Variants in GABRR1 observed in about 807,000 individuals in gnomAD.
The protein encoded by GABRR1 is gamma-aminobutyric acid receptor subunit rho-1.
A neutral mutation model predicts 55.5 loss-of-function variants in GABRR1; 59 were observed. That is an observed-to-expected ratio of 1.06 (90% confidence interval 0.86 to 1.32). The LOEUF is 1.32. Among genes scored for constraint, GABRR1 ranks in the 40% most tolerant of loss-of-function variants. GABRR1 has a pLI of 0.00. For missense variants in GABRR1, 602 were observed against 619.1 expected (o/e 0.97, Z 0.29); for synonymous variants, 213 against 226.0 (o/e 0.94, Z 0.51).
At position 89,222,549 on chromosome 6, in the gene GABRR1, G is replaced by A. The variant is rs184662686; in HGVS notation, c.-410-1103C>T. ...GTGTGCTTCCAAAGGAACCACCCCC[G>A]TTCTGCATCTGCTCGTTTAATTCAG... On this transcript the variant is annotated intron_variant, in intron 1 of 11. Coordinates refer to the GABRR1 transcript ENST00000369451. Among the ~76,000 whole-genome samples the A allele has an allele frequency of 1.8e-3, 268 of 152,304 alleles. 1 individual carries two copies. The highest frequency in any genetic ancestry group is 5.9e-3 in the African/African-American group (244 of 41,560).
intron 1 of GABRR1, among the ~76,000 whole-genome samples, chr6:89,226,891 C>T (rs200090251): frequency 0.16 from 4,457 of 27,324 alleles, 350 homozygotes; most frequent in African/African-American, 0.25. Context: ...TTCTTCCTAC[C>T]CATGAGCATG....
intron 1 of GABRR1, among the ~76,000 whole-genome samples, chr6:89,215,061 G>C (rs1453926278): frequency 6.6e-6 from 1 of 152,168 alleles, no homozygotes; most frequent in East Asian, 1.9e-4. Flanking sequence ...CAAAGATGTG[G>C]AGAAAAGAAA....
At chr6:89,205,702 C>T (rs997372003) in intron 1 of GABRR1, 4 of 152,084 alleles carry the variant, frequency 2.6e-5, no homozygotes, top group Non-Finnish European at 4.4e-5. Context: ...AGCTAATGGC[C>T]GAGCATCTGA....
At chr6:89,216,390 G>C (rs1460739390) in intron 1 of GABRR1, among the ~76,000 whole-genome samples, 1 of 152,202 alleles carries the variant, frequency 6.6e-6, no homozygotes, top group Non-Finnish European at 1.5e-5. Context: ...AAAGGACCAA[G>C]AATCAACAAC....
At chr6:89,220,864 G>A (rs768427214), upstream of GABRR1, among the ~76,000 whole-genome samples, 3 of 152,022 alleles carry the variant, frequency 2.0e-5, no homozygotes, top group Non-Finnish European at 4.4e-5. Flanking sequence ...GGGATTACAC[G>A]CATTCGCCAC....
chr6:89,211,493 C>T (rs1010872129), intron 1 of GABRR1, among the ~76,000 whole-genome samples: 1 of 152,112 alleles, frequency 6.6e-6, no homozygotes, highest in Non-Finnish European at 1.5e-5. Context: ...CCTCTGACAT[C>T]TGTCTCTTCT....
intron 2 of GABRR1, among the ~76,000 whole-genome samples, chr6:89,202,307 G>T (rs7774672): frequency 0.65 from 94,334 of 145,404 alleles, 29,821 homozygotes; most frequent in East Asian, 0.9. Context: ...TTGTTTGTTT[G>T]TTTTGAGACA....
At chr6:89,184,885 C>CTTTCTT (rs776768704) in intron 7 of GABRR1, among the ~76,000 whole-genome samples, 26,305 of 123,634 alleles carry the variant, frequency 0.21, 3,381 homozygotes, top group Non-Finnish European at 0.29. Context: ...TCTTTTCTTT[C>CTTTCTT]TTTTTTTTTT....
At chr6:89,220,249 G>A (rs992572995), upstream of GABRR1, among the ~76,000 whole-genome samples, 8 of 152,252 alleles carry the variant, frequency 5.3e-5, no homozygotes, top group South Asian at 2.1e-4. Flanking sequence ...AGAGCAAACC[G>A]GAAGGCCTCA....
In GABRR1 at chr6:89,206,078, C is replaced by T. The variant is rs530483516; in HGVS notation, c.123-2593G>A. On this transcript the variant is annotated intron_variant, in intron 1 of 9. Coordinates refer to ENST00000454853, the MANE Select transcript of GABRR1 (RefSeq NM_002042.5). The stretch of plus-strand genomic sequence containing the variant: ...GTCCTGGCTGACCTCCTTCTCAACA[C>T]CCCATGCCCCACCCCTGCTGTCTCG... 6.6e-5 allele frequency among the ~76,000 whole-genome samples: 10 copies of T among 152,224 alleles called. 1 individual carries two copies. Among genetic ancestry groups the T allele is most frequent in the South Asian group, 4.1e-4 (2 of 4,820 alleles).
At chr6:89,229,473 C>T (rs1415460121) in intron 1 of GABRR1, among the ~76,000 whole-genome samples, 1 of 149,406 alleles carries the variant, frequency 6.7e-6, no homozygotes, top group East Asian at 2.0e-4. Flanking sequence ...GACAAAATCT[C>T]TCAGCATTTG....
At chr6:89,199,889 A>G (rs1772410196) in intron 3 of GABRR1, among the ~76,000 whole-genome samples, 1 of 152,230 alleles carries the variant, frequency 6.6e-6, no homozygotes, top group African/African-American at 2.4e-5. Flanking sequence ...ACAGATCTGC[A>G]TCTTTGCAAC....
At chr6:89,224,503 A>G (rs1773166001) in intron 1 of GABRR1, among the ~76,000 whole-genome samples, 1 of 152,132 alleles carries the variant, frequency 6.6e-6, no homozygotes, top group Non-Finnish European at 1.5e-5. Context: ...TCACGTCCTT[A>G]GCCCACTTTT....
At chr6:89,220,832 T>C (rs1307343991), upstream of GABRR1, among the ~76,000 whole-genome samples, 1 of 152,150 alleles carries the variant, frequency 6.6e-6, no homozygotes, top group Non-Finnish European at 1.5e-5. Context: ...GTGATTCTCC[T>C]GCCTCAGCCT....
intron 3 of GABRR1, among the ~76,000 whole-genome samples, chr6:89,199,717 C>T (rs760494119): frequency 2.0e-5 from 3 of 152,122 alleles, no homozygotes; most frequent in Admixed American, 1.3e-4. Context: ...GAGTAACTGA[C>T]GTCTTAGCAT....
At chr6:89,186,203 A>T (rs898404774) in intron 6 of GABRR1, among the ~76,000 whole-genome samples, 1 of 152,254 alleles carries the variant, frequency 6.6e-6, no homozygotes, top group Non-Finnish European at 1.5e-5. Context: ...GTTTTCTAAC[A>T]CTTGACCTGT....
intron 1 of GABRR1, among the ~76,000 whole-genome samples, chr6:89,224,435 T>C (rs1459825634): frequency 6.6e-6 from 1 of 152,174 alleles, no homozygotes; most frequent in African/African-American, 2.4e-5. Context: ...ATTTGTGATG[T>C]TGAGCATTTT....
At position 89,227,385 on chromosome 6, in the gene GABRR1, T is replaced by C. The variant is rs1242262458; in HGVS notation, c.-411+3831A>G. On this transcript the variant is annotated intron_variant, in intron 1 of 11. Coordinates refer to the GABRR1 transcript ENST00000369451. Reference sequence around the variant, plus strand: ...GCTTCCAGTTTTTGCCCATTCAGTATGGTATTGGCTGTGGGTGTCATAGAT... The same window carrying C: ...GCTTCCAGTTTTTGCCCATTCAGTACGGTATTGGCTGTGGGTGTCATAGAT... Among the ~76,000 whole-genome samples, 3 of 54,478 alleles carry C rather than the reference T, an allele frequency of 5.5e-5. 1 individual carries two copies. Among genetic ancestry groups the C allele is most frequent in the African/African-American group, 2.7e-4 (2 of 7,430 alleles). The allele number at this position is 54,478 out of a possible 152,430, so 35.7% of individuals were successfully genotyped here. A position where few individuals can be genotyped will look rare whatever the true frequency, so the allele number is the denominator to read the frequency against.
chr6:89,206,104 C>A (rs964240421), intron 1 of GABRR1, among the ~76,000 whole-genome samples: 1 of 151,996 alleles, frequency 6.6e-6, no homozygotes. Context: ...TGCTGTCTCG[C>A]CCTCTCCATC....
Sources: gnomAD v4.1 joint callset for allele counts (sites outside exome capture counted in the v4.1 genomes callset) on GRCh38, gnomAD v4.1.1 for gene constraint, MANE v1.5 for transcripts, NCBI Gene and HGNC (gene_info 2026-07-23, HGNC 2026-07-21) for gene names.